The following SCG3 variants were observed in gnomAD, a reference collection of about 807,000 sequenced individuals.
The protein encoded by SCG3 is secretogranin-3.
A neutral mutation model predicts 56.2 loss-of-function variants in SCG3; 38 were observed. The ratio of observed to expected loss-of-function variants is 0.68; its 90% CI spans 0.52 to 0.89. The LOEUF (loss-of-function observed/expected upper bound fraction) is 0.89. SCG3 is among the 40% of genes least tolerant of loss of function. The probability of loss-of-function intolerance (pLI) is 0.00; values close to 1 mark genes in which losing one functional copy is unlikely to be tolerated. For synonymous variants in SCG3, 176 were observed against 184.2 expected (o/e 0.96, Z 0.36); for missense variants, 524 against 540.7 (o/e 0.97, Z 0.31).
chr15:51,682,433 T>A, intron 1 of SCG3, 84 bp from the exon 2 acceptor site: 3 of 674,240 alleles, frequency 4.4e-6, no homozygotes, highest in Middle Eastern at 4.2e-4. Flanking sequence ...ATATTTTTCC[T>A]TTTTATAAAA....
At chr15:51,709,210 C>A (rs115209760) in intron 10 of SCG3, among the ~76,000 whole-genome samples, 1 of 152,130 alleles carries the variant, frequency 6.6e-6, no homozygotes, top group Non-Finnish European at 1.5e-5. Flanking sequence ...AAGCCCCTTA[C>A]GTAACCATCT....
In SCG3 at chr15:51,720,773, A is replaced by T. The variant is rs2055492003; in HGVS notation, c.*1247A>T. ...AGCTAGCAATAGGTTTGTAAAATGC[A>T]CCCATCAGCACTCTGTAAAACGCAC... On this transcript the variant is annotated 3_prime_UTR_variant, in exon 12 of 12. Coordinates refer to ENST00000220478, the MANE Select transcript of SCG3 (RefSeq NM_013243.4). 6.5e-6 allele frequency: 1 copy of T among 154,408 alleles called. No homozygotes were observed. The highest frequency in any genetic ancestry group is 1.4e-5 in the Non-Finnish European group (1 of 69,818). The allele number at this position is 154,408 out of a possible 1,614,324, so 9.6% of individuals were successfully genotyped here.
chr15:51,713,613 G>A (rs376416817), intron 11 of SCG3, among the ~76,000 whole-genome samples, 200 bp downstream of exon 11: 12 of 152,276 alleles, frequency 7.9e-5, no homozygotes, highest in African/African-American at 2.4e-4. Flanking sequence ...AAGCAAAGGC[G>A]TTTTCTTTTC....
chr15:51,704,240 CAT>C (rs1314214604), intron 10 of SCG3, among the ~76,000 whole-genome samples: 2 of 58,826 alleles, frequency 3.4e-5, no homozygotes, highest in Non-Finnish European at 6.4e-5. Context: ...TACATACATA[CAT>C]ACATATATAT....
chr15:51,697,400 T>C (rs1277973308), intron 8 of SCG3, among the ~76,000 whole-genome samples: 1 of 152,238 alleles, frequency 6.6e-6, no homozygotes, highest in Non-Finnish European at 1.5e-5. Context: ...CTATCACTTA[T>C]AGCAGTGCTG....
At chr15:51,700,103 G>C (rs1478702266) in intron 9 of SCG3, among the ~76,000 whole-genome samples, 1 of 152,016 alleles carries the variant, frequency 6.6e-6, no homozygotes, top group Non-Finnish European at 1.5e-5. Context: ...ACATATTCTT[G>C]ATGGCATAGT....
intron 8 of SCG3, among the ~76,000 whole-genome samples, chr15:51,698,199 C>A (rs571334968): frequency 1.3e-5 from 2 of 152,280 alleles, no homozygotes; most frequent in East Asian, 1.9e-4. Context: ...ATAATAAGAT[C>A]CTTACAAACT....
Position 51,682,504 on chromosome 15 carries a change from G to A in SCG3, c.83-13G>A, listed in dbSNP as rs367549313. 4.7e-5 allele frequency: 64 copies of A among 1,359,536 alleles called. No individual in the cohort carries two copies. Among genetic ancestry groups the A allele is most frequent in the Non-Finnish European group, 5.8e-5 (58 of 992,780 alleles). 84.2% of individuals were successfully genotyped at this position (1,359,536 alleles called of 1,614,324 possible). ...CGCACAATTAAATTTATATTCACATGTGTTTATTCTAGACAAATCTCTACA... is the reference window on the plus strand; with the variant it reads ...CGCACAATTAAATTTATATTCACATATGTTTATTCTAGACAAATCTCTACA... On this transcript the variant is annotated splice_polypyrimidine_tract_variant and intron_variant, in intron 1 of 11. Transcript: ENST00000220478.
intron 4 of SCG3, 82 bp from the exon 5 acceptor site, chr15:51,688,178 G>A (rs1199279887): frequency 3.8e-5 from 49 of 1,293,784 alleles, no homozygotes; most frequent in Middle Eastern, 2.0e-4. Context: ...ATACAAAAGC[G>A]AAGTACAGAT....
chr15:51,695,335 G>C (rs945119603), intron 7 of SCG3, among the ~76,000 whole-genome samples: 2 of 152,166 alleles, frequency 1.3e-5, no homozygotes, highest in Admixed American at 1.3e-4. Context: ...CACCTGAGTA[G>C]AGAAAAGTTG....
At chr15:51,711,888 G>A (rs1043616407) in intron 10 of SCG3, among the ~76,000 whole-genome samples, 5 of 152,096 alleles carry the variant, frequency 3.3e-5, no homozygotes, top group Admixed American at 1.3e-4. Context: ...ACAGATCTTC[G>A]GTGGTAAGGC....
At chr15:51,713,498 A>G in intron 11 of SCG3, 85 bp downstream of exon 11, 1 of 916,600 alleles carries the variant, frequency 1.1e-6, no homozygotes, top group East Asian at 2.6e-5. Context: ...AGTCAAATTG[A>G]CTGTGCTAAA....
intron 10 of SCG3, among the ~76,000 whole-genome samples, chr15:51,712,078 G>A (rs1048241846): frequency 6.6e-6 from 1 of 152,202 alleles, no homozygotes; most frequent in Non-Finnish European, 1.5e-5. Flanking sequence ...ATGACTTTAT[G>A]TCTCTGTGCT....
At chr15:51,692,009 T>A (rs778182200) in intron 6 of SCG3, 150 bp from the exon 7 acceptor site, 2 of 639,996 alleles carry the variant, frequency 3.1e-6, no homozygotes, top group Non-Finnish European at 5.1e-6. Flanking sequence ...AGCACACATA[T>A]CTAGAAATGG....
Position 51,720,255 on chromosome 15 carries a change from A to G in SCG3, c.*729A>G, listed in dbSNP as rs192431347. On this transcript the variant is annotated 3_prime_UTR_variant, in exon 12 of 12. Coordinates refer to ENST00000220478, the MANE Select transcript of SCG3 (RefSeq NM_013243.4). ...ACTGCATAAAGCAAGGCAAAAATGTATGCCACATCTCAGTTATCTAAACTA... is the reference window on the plus strand; with the variant it reads ...ACTGCATAAAGCAAGGCAAAAATGTGTGCCACATCTCAGTTATCTAAACTA... 6 of 152,386 alleles carry G rather than the reference A, an allele frequency of 3.9e-5. No individual in the cohort carries two copies. In the East Asian group the frequency reaches 1.2e-3, roughly 29 times the overall value. 9.4% of individuals were successfully genotyped at this position (152,386 alleles called of 1,614,324 possible).
chr15:51,693,882 C>T (rs1361203463), intron 7 of SCG3: 4 of 152,188 alleles, frequency 2.6e-5, no homozygotes, highest in Non-Finnish European at 5.9e-5. Flanking sequence ...CCTGGTGAGT[C>T]ACTTCTCATC....
rs1595830918 is a variant in SCG3 at position 51,692,040 on chromosome 15, G to T, written c.691-119G>T. 1.6e-5 allele frequency: 15 copies of T among 919,094 alleles called. No individual in the cohort carries two copies. In the South Asian group the frequency reaches 2.6e-4, roughly 16 times the overall value. The allele number at this position is 919,094 out of a possible 1,614,324, so 56.9% of individuals were successfully genotyped here. Reference sequence around the variant, plus strand: ...AATGGGTTTGAACCTGCAGGAGCTTGCAAACGAGGGGGAATTCTTGCACTT... The same window carrying T: ...AATGGGTTTGAACCTGCAGGAGCTTTCAAACGAGGGGGAATTCTTGCACTT... On this transcript the variant is annotated intron_variant, in intron 6 of 11. Transcript: ENST00000220478.
intron 10 of SCG3, among the ~76,000 whole-genome samples, chr15:51,709,139 G>A (rs1186191620): frequency 6.6e-6 from 1 of 152,192 alleles, no homozygotes; most frequent in Non-Finnish European, 1.5e-5. Flanking sequence ...GGCGGAAGGG[G>A]AAACAAACAA....
intron 7 of SCG3, chr15:51,695,624 G>T: frequency 3.0e-6 from 1 of 334,086 alleles, no homozygotes; most frequent in East Asian, 5.4e-5. Flanking sequence ...TGGGTGTGGT[G>T]GTGTTTACCT....
Sources: gnomAD v4.1 joint callset for allele counts (sites outside exome capture counted in the v4.1 genomes callset) on GRCh38, gnomAD v4.1.1 for gene constraint, MANE v1.5 for transcripts, NCBI Gene and HGNC (gene_info 2026-07-23, HGNC 2026-07-21) for gene names.